Variants in ZNF710 observed in about 807,000 individuals in gnomAD.
ZNF710 encodes zinc finger protein 710.
A neutral mutation model predicts 50.6 loss-of-function variants in ZNF710; 13 were observed. The observed-to-expected ratio is 0.26, with a 90% CI of 0.17 to 0.41. The LOEUF (loss-of-function observed/expected upper bound fraction) is 0.41, where lower values mean the gene tolerates loss of function less well. ZNF710 is among the 10% of genes least tolerant of loss of function. The pLI, the probability that ZNF710 is intolerant of heterozygous loss-of-function variation, is 1.00. For synonymous variants in ZNF710, 383 were observed against 397.0 expected, an observed-to-expected ratio of 0.96 and a Z score of 0.42; for missense variants, 721 against 936.6, an observed-to-expected ratio of 0.77 and a Z score of 3.01.
intron 1 of ZNF710, among the ~76,000 whole-genome samples, chr15:90,015,412 C>A (rs1005769623): frequency 6.6e-6 from 1 of 152,112 alleles, no homozygotes; most frequent in Admixed American, 6.6e-5. Context: ...ATTAAAAGTG[C>A]ACGGGCAATT....
chr15:90,033,417 T>C (rs1899005276), intron 1 of ZNF710, among the ~76,000 whole-genome samples: 1 of 152,132 alleles, frequency 6.6e-6, no homozygotes. Flanking sequence ...GGAGAAGAGT[T>C]GGACAGGCAG....
chr15:90,007,232 G>A (rs75583442), intron 1 of ZNF710, among the ~76,000 whole-genome samples: 1,575 of 152,288 alleles, frequency 0.01, 15 homozygotes, highest in Non-Finnish European at 0.013. Flanking sequence ...GGGAGGAAAG[G>A]TGTAACGTTT....
intron 1 of ZNF710, among the ~76,000 whole-genome samples, chr15:90,046,870 A>G (rs1260025985): frequency 6.6e-6 from 1 of 152,076 alleles, no homozygotes; most frequent in Non-Finnish European, 1.5e-5. Flanking sequence ...ATGCTCCAGG[A>G]AAGGGATCAA....
Position 90,067,480 on chromosome 15 carries a change from G to A in ZNF710, c.343G>A (p.Glu115Lys). The A allele has an allele frequency of 1.2e-6, 2 of 1,613,300 alleles. No homozygotes were observed. Among genetic ancestry groups the A allele is most frequent in the Non-Finnish European group, 1.7e-6 (2 of 1,179,594 alleles). ...GCCCAAGGTCAAGTTCGAGAAGGTG[G>A]AGGAGGAGGAACAGGAGGTCTATGA... Reference protein sequence around the residue: ...LVPKVKFEKVEEEEQEVYEVS... With the variant: ...LVPKVKFEKVKEEEQEVYEVS... The change falls in exon 2 of 5, where the codon GAG becomes AAG. Residue 115 changes from glutamate (E) to lysine (K), a missense_variant. Transcript: ENST00000268154. The surrounding 1 kb of genome is among the most constrained non-coding windows in gnomAD (Gnocchi z 8.1).
At chr15:90,018,448 G>C (rs1040543632) in intron 1 of ZNF710, among the ~76,000 whole-genome samples, 1 of 152,232 alleles carries the variant, frequency 6.6e-6, no homozygotes, top group Middle Eastern at 3.4e-3. Context: ...GATTACAGGC[G>C]TGAGCCACCG....
At chr15:90,058,691 CACTATATATTTAT>C (rs1899903882) in intron 1 of ZNF710, among the ~76,000 whole-genome samples, 1 of 138,908 alleles carries the variant, frequency 7.2e-6, no homozygotes, top group African/African-American at 3.3e-5. Flanking sequence ...CAGTAGGAGA[CACTATATATTTAT>C]ATATATATAT....
intron 1 of ZNF710, chr15:90,025,196 G>A (rs779079699): frequency 2.0e-5 from 3 of 152,076 alleles, no homozygotes; most frequent in Non-Finnish European, 4.4e-5. Context: ...CAGGGTGACC[G>A]GGTCCCTCAC....
chr15:90,066,871 C>T (rs1359509871), intron 1 of ZNF710, among the ~76,000 whole-genome samples: 2 of 152,090 alleles, frequency 1.3e-5, no homozygotes, highest in African/African-American at 4.8e-5. Context: ...AGACTGAGGC[C>T]AGCAAGGGGG....
chr15:90,046,294 C>T (rs572697583), intron 1 of ZNF710, among the ~76,000 whole-genome samples: 40 of 152,310 alleles, frequency 2.6e-4, no homozygotes, highest in Non-Finnish European at 4.7e-4. Flanking sequence ...CCATAGTAGG[C>T]GCTTCATGAA....
chr15:90,027,545 AT>A (rs1898816037), intron 1 of ZNF710, among the ~76,000 whole-genome samples: 1 of 152,068 alleles, frequency 6.6e-6, no homozygotes, highest in South Asian at 2.1e-4. Context: ...CTATATATAG[AT>A]TAGTTTTTAA....
chr15:90,066,276 C>T (rs1900166298), intron 1 of ZNF710, among the ~76,000 whole-genome samples: 2 of 152,016 alleles, frequency 1.3e-5, no homozygotes, highest in South Asian at 2.1e-4. Flanking sequence ...CGAGCCATTA[C>T]CAATAATGAC....
intron 1 of ZNF710, among the ~76,000 whole-genome samples, chr15:90,049,599 G>A (rs561399977): frequency 7.9e-5 from 12 of 152,286 alleles, no homozygotes; most frequent in African/African-American, 2.4e-4. Flanking sequence ...TCTGTGATCC[G>A]GATTGAAGAG....
chr15:90,030,052 G>A (rs1055264938), intron 1 of ZNF710, among the ~76,000 whole-genome samples: 10 of 151,726 alleles, frequency 6.6e-5, no homozygotes, highest in East Asian at 1.9e-4. Context: ...GCTATCGGCC[G>A]GGCACAGTGG....
intron 1 of ZNF710, among the ~76,000 whole-genome samples, chr15:90,058,324 G>A (rs1437223278): frequency 1.3e-5 from 2 of 152,164 alleles, no homozygotes; most frequent in African/African-American, 4.8e-5. Context: ...GTGTGCATCT[G>A]CTCTTGCTAA....
At position 90,073,134 on chromosome 15, in the gene ZNF710, C is replaced by T; in HGVS notation, c.1522C>T (p.Arg508Trp). Residue 508 changes from arginine (R) to tryptophan (W), a missense_variant, in exon 3 of 5, where the codon CGG becomes TGG. Physicochemically the swap from Arg to Trp is moderately radical, Grantham distance 101. Around this residue, in one of 3 missense-constraint regions of ZNF710, gnomAD observed 326 missense variants for 522.0 expected, o/e 0.62. Coordinates refer to ENST00000268154, the MANE Select transcript of ZNF710 (RefSeq NM_198526.4). Reference sequence around the variant, plus strand: ...GTTCACCCTACAGGCGAACATGAAGCGGCACATGCTGATCCACACCAGCGT... The same window carrying T: ...GTTCACCCTACAGGCGAACATGAAGTGGCACATGCTGATCCACACCAGCGT... The part of the protein sequence containing the change: ...REFTLQANMK[R>W]HMLIHTSVRP... The T allele has an allele frequency of 1.2e-6, 2 of 1,614,100 alleles. No individual in the cohort carries two copies. Among genetic ancestry groups the T allele is most frequent in the Non-Finnish European group, 1.7e-6 (2 of 1,180,012 alleles).
At chr15:90,027,450 T>G (rs184571852) in intron 1 of ZNF710, among the ~76,000 whole-genome samples, 1 of 152,270 alleles carries the variant, frequency 6.6e-6, no homozygotes, top group Non-Finnish European at 1.5e-5. Context: ...CCTTAAATGA[T>G]CCACCTGCCT....
At chr15:90,032,482 G>C (rs1415141646) in intron 1 of ZNF710, among the ~76,000 whole-genome samples, 1 of 152,150 alleles carries the variant, frequency 6.6e-6, no homozygotes, top group African/African-American at 2.4e-5. Context: ...TAACAATTAA[G>C]AATGTGTGTT....
Position 90,043,677 on chromosome 15 carries a change from A to AG in ZNF710, c.-28-23429dup, listed in dbSNP as rs148131354. Among the ~76,000 whole-genome samples, 759 of 152,348 alleles carry AG rather than the reference A, an allele frequency of 5.0e-3. 3 individuals are homozygous for AG. The highest frequency in any genetic ancestry group is 0.017 in the African/African-American group (717 of 41,584). ...CCGTGATTGGCACCGCCTGTGAATG[A>AG]GGGGTCACTGCTTCAGGCTGCTCCT... On this transcript the variant is annotated intron_variant, in intron 1 of 4. Coordinates refer to ENST00000268154, the MANE Select transcript of ZNF710 (RefSeq NM_198526.4).
chr15:90,032,639 A>G (rs568911089), intron 1 of ZNF710, among the ~76,000 whole-genome samples: 2 of 152,106 alleles, frequency 1.3e-5, no homozygotes, highest in East Asian at 3.9e-4. Flanking sequence ...TTAGCTGGAC[A>G]TGGTGGTGGG....
Sources: gnomAD v4.1 joint callset for allele counts (sites outside exome capture counted in the v4.1 genomes callset) on GRCh38, gnomAD v4.1.1 for gene constraint, gnomAD v4.1.1 regional missense constraint, Gnocchi (gnomAD v3.1) non-coding constraint, MANE v1.5 for transcripts, NCBI Gene and HGNC (gene_info 2026-07-23, HGNC 2026-07-21) for gene names.